GRXCR1: variants seen among roughly 807,000 people sequenced by gnomAD.
The protein encoded by GRXCR1 is glutaredoxin domain-containing cysteine-rich protein 1.
Under a neutral mutation model 27.3 loss-of-function variants are expected in GRXCR1, and 27 were observed. The observed-to-expected ratio is 0.99, with a 90% CI of 0.73 to 1.37. The LOEUF (loss-of-function observed/expected upper bound fraction) is 1.37. GRXCR1 is among the 40% of genes most tolerant of loss of function. GRXCR1 has a pLI of 0.00. For missense variants in GRXCR1, 379 were observed against 354.4 expected, an observed-to-expected ratio of 1.07 and a Z score of -0.56; for synonymous variants, 122 against 131.1, an observed-to-expected ratio of 0.93 and a Z score of 0.47.
intron 2 of GRXCR1, among the ~76,000 whole-genome samples, chr4:42,985,515 G>C (rs1166133795): frequency 1.3e-5 from 2 of 152,026 alleles, no homozygotes; most frequent in East Asian, 1.9e-4. Flanking sequence ...CTTGCAGTCA[G>C]TATCTTAGTA....
At chr4:42,949,612 T>C (rs2109768139) in intron 1 of GRXCR1, among the ~76,000 whole-genome samples, 1 of 152,240 alleles carries the variant, frequency 6.6e-6, no homozygotes, top group East Asian at 1.9e-4. Context: ...ATAATAACAG[T>C]ACCTACCTTA....
chr4:42,906,901 C>T (rs975008419), intron 1 of GRXCR1, among the ~76,000 whole-genome samples: 3 of 152,158 alleles, frequency 2.0e-5, no homozygotes, highest in Non-Finnish European at 4.4e-5. Flanking sequence ...TTTTGGCTTT[C>T]ATTTTGATCT....
chr4:42,978,590 T>C (rs893143162), intron 2 of GRXCR1, among the ~76,000 whole-genome samples: 1 of 152,120 alleles, frequency 6.6e-6, no homozygotes, highest in African/African-American at 2.4e-5. Flanking sequence ...TGATTTCTTA[T>C]TAAGATAGTT....
chr4:42,923,315 A>G (rs1055438634), intron 1 of GRXCR1, among the ~76,000 whole-genome samples: 4 of 152,162 alleles, frequency 2.6e-5, no homozygotes, highest in African/African-American at 7.2e-5. Flanking sequence ...AATAAACCCA[A>G]GAGAGGCTGT....
chr4:43,009,709 A>G (rs77853638), intron 2 of GRXCR1, among the ~76,000 whole-genome samples: 2,138 of 152,240 alleles, frequency 0.014, 50 homozygotes, highest in African/African-American at 0.048. Context: ...TTATAAGGGC[A>G]TTAATCCTAT....
intron 2 of GRXCR1, among the ~76,000 whole-genome samples, chr4:42,988,654 T>A (rs1465963319): frequency 6.6e-6 from 1 of 152,174 alleles, no homozygotes; most frequent in Non-Finnish European, 1.5e-5. Context: ...TTTAGTATTT[T>A]GAAGTGGCTA....
At chr4:43,027,330 A>G (rs1454036711) in intron 3 of GRXCR1, among the ~76,000 whole-genome samples, 1 of 152,164 alleles carries the variant, frequency 6.6e-6, no homozygotes, top group Non-Finnish European at 1.5e-5. Flanking sequence ...TGTATTTGTG[A>G]TTATTTTTAG....
intron 1 of GRXCR1, among the ~76,000 whole-genome samples, chr4:42,918,752 A>G (rs1577905158): frequency 6.6e-6 from 1 of 152,040 alleles, no homozygotes; most frequent in African/African-American, 2.4e-5. Context: ...TTGACATTCC[A>G]TTACAGGCTC....
At chr4:42,934,072 A>C (rs2109758732) in intron 1 of GRXCR1, among the ~76,000 whole-genome samples, 2 of 151,970 alleles carry the variant, frequency 1.3e-5, no homozygotes, top group Middle Eastern at 6.8e-3. Context: ...TATCCAAATG[A>C]AGGAGTTCTA....
rs185393567 is a variant in GRXCR1 at position 42,938,869 on chromosome 4, T to G, written c.385-24023T>G. Among the ~76,000 whole-genome samples the G allele has an allele frequency of 4.1e-5, 4 of 98,452 alleles. No individual in the cohort carries two copies. In the South Asian group the frequency reaches 1.4e-3, roughly 35 times the overall value. 64.6% of individuals were successfully genotyped at this position (98,452 alleles called of 152,430 possible). ...TCTGTTCCATTGGTCTACGTGTCTG[T>G]TTTTTTTTTTGCCAGTACCATGCTG... On this transcript the variant is annotated intron_variant, in intron 1 of 3. Transcript: ENST00000399770.
chr4:42,918,914 A>G (rs1746945401), intron 1 of GRXCR1, among the ~76,000 whole-genome samples: 1 of 152,034 alleles, frequency 6.6e-6, no homozygotes, highest in South Asian at 2.1e-4. Context: ...TGAGATACCT[A>G]TTGGGAGAGA....
chr4:43,016,091 A>C (rs1163397017), intron 2 of GRXCR1, among the ~76,000 whole-genome samples: 1 of 152,206 alleles, frequency 6.6e-6, no homozygotes, highest in Non-Finnish European at 1.5e-5. Context: ...GACCTAACAG[A>C]GTATGCTAAA....
At chr4:42,919,585 C>T (rs1746963389) in intron 1 of GRXCR1, among the ~76,000 whole-genome samples, 1 of 152,010 alleles carries the variant, frequency 6.6e-6, no homozygotes, top group Non-Finnish European at 1.5e-5. Flanking sequence ...GAGTTGAGGG[C>T]TCAACAGAAT....
intron 1 of GRXCR1, among the ~76,000 whole-genome samples, chr4:42,940,653 C>G (rs1747596944): frequency 6.6e-6 from 1 of 151,978 alleles, no homozygotes; most frequent in Non-Finnish European, 1.5e-5. Flanking sequence ...TTCTAGAAAA[C>G]TTTTCTGATT....
intron 1 of GRXCR1, among the ~76,000 whole-genome samples, chr4:42,895,054 C>T (rs1210459849): frequency 6.6e-6 from 1 of 151,894 alleles, no homozygotes; most frequent in Non-Finnish European, 1.5e-5. Flanking sequence ...TCAAATCTCC[C>T]CCCAAATTTA....
At position 42,975,129 on chromosome 4, in the gene GRXCR1, G is replaced by C. The variant is rs112881796; in HGVS notation, c.627+11995G>C. On this transcript the variant is annotated intron_variant, in intron 2 of 3. Transcript: ENST00000399770. ...AAATTTTCCAAGATAGATGGGAATG[G>C]AGGTGCACAGGCATTCATTAATCCA... Among the ~76,000 whole-genome samples, 636 of 152,206 alleles carry C rather than the reference G, an allele frequency of 4.2e-3. 3 individuals are homozygous for C. Among genetic ancestry groups the C allele is most frequent in the African/African-American group, 0.014 (597 of 41,548 alleles).
At chr4:43,023,011 T>C (rs1387313981) in intron 3 of GRXCR1, among the ~76,000 whole-genome samples, 3 of 152,216 alleles carry the variant, frequency 2.0e-5, no homozygotes, top group Non-Finnish European at 4.4e-5. Flanking sequence ...ATTTGATTTA[T>C]GATTCTAATC....
chr4:43,013,542 T>C (rs962522626), intron 2 of GRXCR1, among the ~76,000 whole-genome samples: 3 of 152,158 alleles, frequency 2.0e-5, no homozygotes, highest in Non-Finnish European at 4.4e-5. Flanking sequence ...GCTCTCTACC[T>C]GGGTGGTGTG....
chr4:42,941,174 T>C (rs1018816505), intron 1 of GRXCR1, among the ~76,000 whole-genome samples: 1 of 147,926 alleles, frequency 6.8e-6, no homozygotes, highest in Admixed American at 6.7e-5. Context: ...TTGTGAGAAC[T>C]AAAATGACTA....
Sources: gnomAD v4.1 joint callset for allele counts (sites outside exome capture counted in the v4.1 genomes callset) on GRCh38, gnomAD v4.1.1 for gene constraint, MANE v1.5 for transcripts, NCBI Gene and HGNC (gene_info 2026-07-23, HGNC 2026-07-21) for gene names.